Variants in KCNA5 observed in about 807,000 individuals in gnomAD.
KCNA5 encodes the protein potassium voltage-gated channel subfamily A member 5, also known as cardiac potassium channel.
In KCNA5, 22 loss-of-function variants were observed where a neutral mutation model predicts 26.5. The ratio of observed to expected loss-of-function variants is 0.83; its 90% confidence interval spans 0.59 to 1.18. The LOEUF is 1.18. Ranked by LOEUF, KCNA5 falls within the 50% of genes most tolerant of loss-of-function variation. The pLI is 0.00. For missense variants in KCNA5, 916 were observed against 843.2 expected (o/e 1.09, Z -1.07); for synonymous variants, 465 against 372.8 (o/e 1.25, Z -2.85).
rs767170268 is a variant in KCNA5 at position 5,044,875 on chromosome 12, C to T, written c.728C>T (p.Pro243Leu). ...CAGGTGTGGCTTATCTTCGAGTATCCGGAGAGCTCTGGGTCCGCGCGGGCC... is the reference window on the plus strand; with the variant it reads ...CAGGTGTGGCTTATCTTCGAGTATCTGGAGAGCTCTGGGTCCGCGCGGGCC... ...QRQVWLIFEY[P>L]ESSGSARAIA... The change falls in exon 1 of 1, where the codon CCG (proline) becomes CTG (leucine). Residue 243 changes from proline to leucine, a missense_variant. Coordinates refer to ENST00000252321, the MANE Select transcript of KCNA5 (RefSeq NM_002234.4). 3 of 1,613,846 alleles carry T rather than the reference C, an allele frequency of 1.9e-6. No individual in the cohort carries two copies. The highest frequency in any genetic ancestry group is 2.2e-5 in the East Asian group (1 of 44,842).
rs1862781742 is a variant in KCNA5, at chr12:5,046,692, C to T, written c.*703C>T. 1 of 166,608 alleles carries T rather than the reference C, an allele frequency of 6.0e-6. No individual in the cohort carries two copies. The highest frequency in any genetic ancestry group is 1.5e-5 in the Non-Finnish European group (1 of 68,140). 10.3% of individuals were successfully genotyped at this position (166,608 alleles called of 1,614,324 possible). ...CGCCTTAAACAATTCTTGTAACTTTCTTCAAAAAGCATTTTAATGATATTG... is the reference window on the plus strand; with the variant it reads ...CGCCTTAAACAATTCTTGTAACTTTTTTCAAAAAGCATTTTAATGATATTG... On this transcript the variant is annotated 3_prime_UTR_variant, in exon 1 of 1. Coordinates refer to ENST00000252321, the MANE Select transcript of KCNA5 (RefSeq NM_002234.4).
Position 5,043,890 on chromosome 12 carries a change from G to A in KCNA5, c.-258G>A. On this transcript the variant is annotated 5_prime_UTR_variant, in exon 1 of 1. Coordinates refer to ENST00000252321, the MANE Select transcript of KCNA5 (RefSeq NM_002234.4). The stretch of plus-strand genomic sequence containing the variant: ...AGCGCGGCGCAGCCAGAGAGGGGCG[G>A]CTGAAGGTTGCATCTGCTGGAAGGA... 7.7e-6 allele frequency: 4 copies of A among 516,822 alleles called. No homozygotes were observed. The highest frequency in any genetic ancestry group is 1.0e-5 in the Non-Finnish European group (3 of 293,198). The allele number at this position is 516,822 out of a possible 1,614,324, so 32.0% of individuals were successfully genotyped here.
Position 5,046,035 on chromosome 12 carries a change from G to A in KCNA5, c.*46G>A, listed in dbSNP as rs184667997. ...GTGGCAGTGGAGTAGGGAATGGGAGGCTTGCTGAACATGGATATCTACATT... is the reference window on the plus strand; with the variant it reads ...GTGGCAGTGGAGTAGGGAATGGGAGACTTGCTGAACATGGATATCTACATT... On this transcript the variant is annotated 3_prime_UTR_variant, in exon 1 of 1. Transcript: ENST00000252321. 3.1e-6 allele frequency: 5 copies of A among 1,609,006 alleles called. No homozygotes were observed. The Admixed American group carries it at 5.0e-5, about 16-fold the overall frequency.
In KCNA5 at chr12:5,044,921, G is replaced by T. The variant is rs1025834134; in HGVS notation, c.774G>T (p.Leu258Phe). 7 of 1,613,624 alleles carry T rather than the reference G, an allele frequency of 4.3e-6. No homozygotes were observed. The Admixed American group carries it at 1.0e-4, about 23-fold the overall frequency. Residue 258 changes from leucine to phenylalanine, a missense_variant, in exon 1 of 1, where the codon TTG becomes TTT. Coordinates refer to ENST00000252321, the MANE Select transcript of KCNA5 (RefSeq NM_002234.4). The part of the protein sequence containing the change: ...SARAIAIVSV[L>F]VILISIITFC... ...GGGCCATCGCCATCGTCTCGGTCTT[G>T]GTTATCCTCATCTCCATCATCACCT...
chr12:5,045,461 C>G lies in KCNA5; in HGVS notation c.1314C>G (p.Ile438Met). ...QASMRELGLL[I>M]FFLFIGVILF... ...CCATGAGGGAGCTGGGGCTGCTCAT[C>G]TTCTTCCTCTTCATCGGGGTCATCC... The change falls in exon 1 of 1, where the codon ATC becomes ATG. Residue 438 changes from isoleucine to methionine, a missense_variant. Physicochemically the swap from Ile to Met is conservative, Grantham distance 10 (BLOSUM62 1). Coordinates refer to ENST00000252321, the MANE Select transcript of KCNA5 (RefSeq NM_002234.4). The surrounding 1 kb of genome is among the most constrained non-coding windows in gnomAD (Gnocchi z 5.6). 1.2e-6 allele frequency: 2 copies of G among 1,614,224 alleles called. No homozygotes were observed. Among genetic ancestry groups the G allele is most frequent in the Non-Finnish European group, 1.7e-6 (2 of 1,180,034 alleles).
rs1565465758 is a variant in KCNA5 at position 5,045,192 on chromosome 12, A to G, written c.1045A>G (p.Lys349Glu). Residue 349 changes from lysine (K) to glutamate (E), a missense_variant, in exon 1 of 1, where the codon AAG (lysine) becomes GAG (glutamate). By Grantham distance (56) the Lys-to-Glu change is moderately conservative. Coordinates refer to ENST00000252321, the MANE Select transcript of KCNA5 (RefSeq NM_002234.4). The surrounding 1 kb of genome is among the most constrained non-coding windows in gnomAD (Gnocchi z 5.6). ...LLVRFFACPS[K>E]AGFSRNIMNI... ...CGTGCGCTTCTTCGCCTGCCCCAGC[A>G]AGGCAGGGTTCTCCCGGAACATCAT... The G allele has an allele frequency of 1.2e-6, 2 of 1,614,122 alleles. No homozygotes were observed. The highest frequency in any genetic ancestry group is 1.7e-6 in the Non-Finnish European group (2 of 1,180,026).
rs1439658302 is a variant in KCNA5 at position 5,045,249 on chromosome 12, TACTTCATC to T, written c.1105_1112del (p.Phe369ProfsTer87). On this transcript the variant is annotated frameshift_variant, in exon 1 of 1. Coordinates refer to ENST00000252321, the MANE Select transcript of KCNA5 (RefSeq NM_002234.4). LOFTEE classifies it high-confidence loss of function. This position sits in a 1 kb window ranked among gnomAD's most constrained non-coding sequence, Gnocchi z 5.6. ...CATCGATGTGGTGGCCATCTTCCCC[TACTTCATC>T]ACCCTGGGCACCGAACTGGCAGAGC... 43 of 1,614,068 alleles carry T rather than the reference TACTTCATC, an allele frequency of 2.7e-5. No homozygotes were observed. In the East Asian group the frequency reaches 9.6e-4, roughly 36 times the overall value.
rs889994404 is a variant in KCNA5, at chr12:5,045,871, G to C, written c.1724G>C (p.Ser575Thr). The C allele has an allele frequency of 1.2e-6, 2 of 1,614,044 alleles. No homozygotes were observed. Among genetic ancestry groups the C allele is most frequent in the African/African-American group, 2.7e-5 (2 of 74,944 alleles). ...GGGGGGACCCTGGAGAATGCAGACAGTGCCCGAAGGGGCAGCTGCCCCCTA... is the reference window on the plus strand; with the variant it reads ...GGGGGGACCCTGGAGAATGCAGACACTGCCCGAAGGGGCAGCTGCCCCCTA... ...KAGGTLENAD[S>T]ARRGSCPLEK... Residue 575 changes from serine to threonine, a missense_variant, in exon 1 of 1, where the codon AGT becomes ACT. Coordinates refer to ENST00000252321, the MANE Select transcript of KCNA5 (RefSeq NM_002234.4). The surrounding 1 kb of genome is among the most constrained non-coding windows in gnomAD (Gnocchi z 5.6).
chr12:5,044,314 C>G lies in KCNA5; in HGVS notation c.167C>G (p.Ala56Gly), dbSNP rs1189244051. The change falls in exon 1 of 1, where the codon GCG becomes GGG. Residue 56 changes from alanine to glycine, a missense_variant. By Grantham distance (60) the Ala-to-Gly change is moderately conservative. Coordinates refer to ENST00000252321, the MANE Select transcript of KCNA5 (RefSeq NM_002234.4). The part of the protein sequence containing the change: ...PKEPAPKGRG[A>G]QRDADSGVRP... The stretch of plus-strand genomic sequence containing the variant: ...GAGCCGGCGCCAAAGGGGCGCGGCG[C>G]GCAGAGAGACGCGGACTCGGGAGTG... 2 of 1,549,560 alleles carry G rather than the reference C, an allele frequency of 1.3e-6. No individual in the cohort carries two copies. The highest frequency in any genetic ancestry group is 2.7e-5 in the African/African-American group (2 of 73,904).
Position 5,043,898 on chromosome 12 carries a change from T to C in KCNA5, c.-250T>C. ...GCAGCCAGAGAGGGGCGGCTGAAGG[T>C]TGCATCTGCTGGAAGGAGGCTTTTC... On this transcript the variant is annotated 5_prime_UTR_variant, in exon 1 of 1. Coordinates refer to ENST00000252321, the MANE Select transcript of KCNA5 (RefSeq NM_002234.4). The C allele has an allele frequency of 1.9e-6, 1 of 532,390 alleles. No homozygotes were observed. Among genetic ancestry groups the C allele is most frequent in the Middle Eastern group, 5.0e-4 (1 of 2,014 alleles). 33.0% of individuals were successfully genotyped at this position (532,390 alleles called of 1,614,324 possible).
rs1007066249 is a variant in KCNA5 at position 5,046,177 on chromosome 12, C to T, written c.*188C>T. ...TATTCTTTCCATGACACCCAAGGGT[C>T]GCCTATTTTTAAAAAGTACCACATT... On this transcript the variant is annotated 3_prime_UTR_variant, in exon 1 of 1. Coordinates refer to ENST00000252321, the MANE Select transcript of KCNA5 (RefSeq NM_002234.4). The T allele has an allele frequency of 2.1e-5, 16 of 750,750 alleles. No homozygotes were observed. Among genetic ancestry groups the T allele is most frequent in the South Asian group, 1.8e-4 (11 of 59,902 alleles). 46.5% of individuals were successfully genotyped at this position (750,750 alleles called of 1,614,324 possible).
chr12:5,045,136 CG>C lies in KCNA5; in HGVS notation c.990del (p.Cys331AlafsTer27). On this transcript the variant is annotated frameshift_variant, in exon 1 of 1. Transcript: ENST00000252321. LOFTEE classifies it high-confidence loss of function. This position sits in a 1 kb window ranked among gnomAD's most constrained non-coding sequence, Gnocchi z 5.6. ...GACCCCTTCTTCATCGTGGAGACCA[CG>C]TGCGTCATCTGGTTCACCTTCGAGC... ...LADPFFIVET[T>X]CVIWFTFELL... 6.2e-7 allele frequency: 1 copy of C among 1,614,104 alleles called. No individual in the cohort carries two copies. The highest frequency in any genetic ancestry group is 8.5e-7 in the Non-Finnish European group (1 of 1,180,032).
rs764306111 is a variant in KCNA5, at chr12:5,044,798, G to A, written c.651G>A (p.Glu217=). Residue 217 remains glutamate (E), a synonymous_variant, in exon 1 of 1, where the codon GAG becomes GAA. Transcript: ENST00000252321. ...DEAMERFRED[E]GFIKEEEKPL... is the part of the protein sequence containing the mutation. ...CCATGGAGCGCTTCCGCGAGGATGAGGGCTTCATTAAAGAAGAGGAGAAGC... is the reference window on the plus strand; with the variant it reads ...CCATGGAGCGCTTCCGCGAGGATGAAGGCTTCATTAAAGAAGAGGAGAAGC... 101 of 1,614,064 alleles carry A rather than the reference G, an allele frequency of 6.3e-5. No individual in the cohort carries two copies. The highest frequency in any genetic ancestry group is 8.2e-5 in the Non-Finnish European group (97 of 1,180,034).
In KCNA5 at chr12:5,045,032, C is replaced by T. The variant is rs746723216; in HGVS notation, c.885C>T (p.Ala295=). Residue 295 remains alanine, a synonymous_variant, in exon 1 of 1, where the codon GCC becomes GCT. Transcript: ENST00000252321. The surrounding 1 kb of genome is among the most constrained non-coding windows in gnomAD (Gnocchi z 5.6). ...CGCCCCACCAGCCTCCCGCGCCCGC[C>T]CCTGGGGCCAACGGCAGCGGGGTCA... ...PPAPHQPPAP[A]PGANGSGVMA... The T allele has an allele frequency of 2.5e-6, 4 of 1,612,610 alleles. No homozygotes were observed. The highest frequency in any genetic ancestry group is 3.4e-6 in the Non-Finnish European group (4 of 1,179,644).
In KCNA5 at chr12:5,044,236, C is replaced by G; in HGVS notation, c.89C>G (p.Thr30Arg). The change falls in exon 1 of 1, where the codon ACA (threonine) becomes AGA (arginine). Residue 30 changes from threonine to arginine, a missense_variant. By Grantham distance (71) the Thr-to-Arg change is moderately conservative. Transcript: ENST00000252321. Reference protein sequence around the residue: ...DEARAGCGQATGGELQCPPTA... With the variant: ...DEARAGCGQARGGELQCPPTA... ...GCCCGGGCAGGCTGCGGCCAGGCCACAGGGGGAGAGCTCCAGTGTCCCCCG... is the reference window on the plus strand; with the variant it reads ...GCCCGGGCAGGCTGCGGCCAGGCCAGAGGGGGAGAGCTCCAGTGTCCCCCG... 1 of 1,538,858 alleles carries G rather than the reference C, an allele frequency of 6.5e-7. No individual in the cohort carries two copies. Among genetic ancestry groups the G allele is most frequent in the Non-Finnish European group, 8.7e-7 (1 of 1,147,468 alleles).
rs1356259911 is a variant in KCNA5 at position 5,045,455 on chromosome 12, G to T, written c.1308G>T (p.Leu436=). The change falls in exon 1 of 1, where the codon CTG becomes CTT. Residue 436 remains leucine (L), a synonymous_variant. Coordinates refer to ENST00000252321, the MANE Select transcript of KCNA5 (RefSeq NM_002234.4). This position sits in a 1 kb window ranked among gnomAD's most constrained non-coding sequence, Gnocchi z 5.6. ...AGGCCTCCATGAGGGAGCTGGGGCT[G>T]CTCATCTTCTTCCTCTTCATCGGGG... ...TLQASMRELG[L]LIFFLFIGVI... The T allele has an allele frequency of 6.2e-7, 1 of 1,614,204 alleles. No homozygotes were observed. Among genetic ancestry groups the T allele is most frequent in the Non-Finnish European group, 8.5e-7 (1 of 1,180,032 alleles).
Position 5,044,641 on chromosome 12 carries a change from T to C in KCNA5, c.494T>C (p.Phe165Ser), listed in dbSNP as rs1862749974. 6.2e-7 allele frequency: 1 copy of C among 1,613,998 alleles called. No individual in the cohort carries two copies. Reference sequence around the variant, plus strand: ...GACCCCCTGAGGAACGAGTACTTCTTCGACCGCAACCGGCCCAGCTTCGAC... The same window carrying C: ...GACCCCCTGAGGAACGAGTACTTCTCCGACCGCAACCGGCCCAGCTTCGAC... ...YFDPLRNEYFFDRNRPSFDGI... is the reference protein window; with the variant it reads ...YFDPLRNEYFSDRNRPSFDGI... The change falls in exon 1 of 1, where the codon TTC (phenylalanine) becomes TCC (serine). Residue 165 changes from phenylalanine (F) to serine (S), a missense_variant. Transcript: ENST00000252321.
At position 5,044,837 on chromosome 12, in the gene KCNA5, C is replaced by A; in HGVS notation, c.690C>A (p.Asn230Lys). The A allele has an allele frequency of 3.1e-6, 5 of 1,614,090 alleles. No individual in the cohort carries two copies. Among genetic ancestry groups the A allele is most frequent in the Non-Finnish European group, 4.2e-6 (5 of 1,180,040 alleles). Residue 230 changes from asparagine (N) to lysine (K), a missense_variant, in exon 1 of 1, where the codon AAC (asparagine) becomes AAA (lysine). Physicochemically the swap from Asn to Lys is moderately conservative, Grantham distance 94. Coordinates refer to ENST00000252321, the MANE Select transcript of KCNA5 (RefSeq NM_002234.4). Reference sequence around the variant, plus strand: ...AAGAGGAGAAGCCCCTGCCCCGCAACGAGTTCCAGCGCCAGGTGTGGCTTA... The same window carrying A: ...AAGAGGAGAAGCCCCTGCCCCGCAAAGAGTTCCAGCGCCAGGTGTGGCTTA... ...IKEEEKPLPR[N>K]EFQRQVWLIF... is the part of the protein sequence containing the mutation.
rs773608258 is a variant in KCNA5, at chr12:5,045,044, C to T, written c.897C>T (p.Asn299=). 6.2e-6 allele frequency: 10 copies of T among 1,612,300 alleles called. No individual in the cohort carries two copies. Among genetic ancestry groups the T allele is most frequent in the Non-Finnish European group, 8.5e-6 (10 of 1,179,442 alleles). Residue 299 remains asparagine, a synonymous_variant, in exon 1 of 1, where the codon AAC becomes AAT. Coordinates refer to ENST00000252321, the MANE Select transcript of KCNA5 (RefSeq NM_002234.4). This position sits in a 1 kb window ranked among gnomAD's most constrained non-coding sequence, Gnocchi z 5.6. ...HQPPAPAPGA[N]GSGVMAPPSG... Reference sequence around the variant, plus strand: ...CTCCCGCGCCCGCCCCTGGGGCCAACGGCAGCGGGGTCATGGCCCCGCCCT... The same window carrying T: ...CTCCCGCGCCCGCCCCTGGGGCCAATGGCAGCGGGGTCATGGCCCCGCCCT...
Sources: gnomAD v4.1 joint callset for allele counts on GRCh38, gnomAD v4.1.1 for gene constraint, Gnocchi (gnomAD v3.1) non-coding constraint, MANE v1.5 for transcripts, NCBI Gene and HGNC (gene_info 2026-07-23, HGNC 2026-07-21) for gene names.